The following LSAMP variants were observed in gnomAD, a reference collection of about 807,000 sequenced individuals.
LSAMP encodes the protein limbic system associated membrane protein.
Under a neutral mutation model 38.6 loss-of-function variants are expected in LSAMP, and 7 were observed. The ratio of observed to expected loss-of-function variants is 0.18; its 90% CI spans 0.10 to 0.34. The LOEUF is 0.34. LSAMP is among the 10% of genes least tolerant of loss of function. LSAMP has a pLI of 1.00. For synonymous variants in LSAMP, 154 were observed against 166.8 expected (o/e 0.92, Z 0.59); for missense variants, 313 against 420.0 (o/e 0.75, Z 2.23).
At chr3:116,134,901 T>C (rs1287540019) in intron 1 of LSAMP, among the ~76,000 whole-genome samples, 1 of 152,216 alleles carries the variant, frequency 6.6e-6, no homozygotes, top group Admixed American at 6.5e-5. Context: ...TTAGTACTTC[T>C]ATGGGAATCC....
At chr3:116,400,434 C>CCCTA (rs1559854901) in intron 1 of LSAMP, among the ~76,000 whole-genome samples, 1 of 142,518 alleles carries the variant, frequency 7.0e-6, no homozygotes, top group Non-Finnish European at 1.5e-5. Flanking sequence ...CTCCCTCCCT[C>CCCTA]CCTCCTTCCT....
intron 1 of LSAMP, among the ~76,000 whole-genome samples, chr3:116,376,132 G>A (rs1378332395): frequency 2.6e-5 from 4 of 152,018 alleles, no homozygotes; most frequent in African/African-American, 4.8e-5. Context: ...CAATCTGTAA[G>A]TTGGAGAGGT....
intron 1 of LSAMP, among the ~76,000 whole-genome samples, chr3:116,246,864 A>T (rs570400324): frequency 6.6e-6 from 1 of 152,242 alleles, no homozygotes; most frequent in Admixed American, 6.5e-5. Flanking sequence ...ATGTCCTGGT[A>T]GTGGTGAAGA....
At chr3:115,817,079 C>T (rs1934053745) in intron 6 of LSAMP, among the ~76,000 whole-genome samples, 1 of 152,176 alleles carries the variant, frequency 6.6e-6, no homozygotes, top group Non-Finnish European at 1.5e-5. Flanking sequence ...CAAGTCTATT[C>T]CAACTTAAAA....
intron 1 of LSAMP, among the ~76,000 whole-genome samples, chr3:116,317,436 A>G (rs1375752070): frequency 3.3e-5 from 5 of 151,760 alleles, no homozygotes; most frequent in Admixed American, 1.3e-4. Context: ...GCTCACTGCA[A>G]GCTCCACCTC....
At position 116,177,250 on chromosome 3, in the gene LSAMP, C is replaced by A. The variant is rs72961543; in HGVS notation, c.156-90694G>T. Among the ~76,000 whole-genome samples, 477 of 152,192 alleles carry A rather than the reference C, an allele frequency of 3.1e-3. 5 individuals carry two copies. The highest frequency in any genetic ancestry group is 0.01 in the African/African-American group (426 of 41,526). Reference sequence around the variant, plus strand: ...TAGGAAGGAACAATAATTTCCAAGGCTGACATCTCCGAATTGTAGTATGTC... The same window carrying A: ...TAGGAAGGAACAATAATTTCCAAGGATGACATCTCCGAATTGTAGTATGTC... On this transcript the variant is annotated intron_variant, in intron 1 of 6. Transcript: ENST00000490035.
intron 3 of LSAMP, among the ~76,000 whole-genome samples, chr3:115,963,964 G>A (rs1464199617): frequency 6.6e-6 from 1 of 152,062 alleles, no homozygotes; most frequent in Non-Finnish European, 1.5e-5. Flanking sequence ...TGTTGCCCAG[G>A]CTGTTCTTGA....
intron 3 of LSAMP, among the ~76,000 whole-genome samples, chr3:115,879,425 CA>C (rs1206603013): frequency 2.0e-5 from 3 of 152,038 alleles, no homozygotes; most frequent in Non-Finnish European, 1.5e-5. Flanking sequence ...TTAGTTATAT[CA>C]GGTGGAAATA....
chr3:116,298,136 A>T (rs1431479118), intron 1 of LSAMP, among the ~76,000 whole-genome samples: 3 of 152,114 alleles, frequency 2.0e-5, no homozygotes, highest in Admixed American at 6.5e-5. Context: ...CTAGCTATCC[A>T]TTGTGCTTTT....
intron 3 of LSAMP, among the ~76,000 whole-genome samples, chr3:116,000,403 A>G (rs1484256489): frequency 6.6e-6 from 1 of 152,170 alleles, no homozygotes; most frequent in East Asian, 1.9e-4. Flanking sequence ...TGGAACCAGA[A>G]TTCCATGGCA....
intron 1 of LSAMP, among the ~76,000 whole-genome samples, chr3:116,221,141 ACT>A (rs1215177360): frequency 4.5e-5 from 4 of 89,036 alleles, no homozygotes; most frequent in African/African-American, 1.1e-4. Context: ...ACAGAGCGAG[ACT>A]CTGTCTCAAA....
intron 6 of LSAMP, among the ~76,000 whole-genome samples, chr3:115,818,806 ATATATAT>A (rs1934125753): frequency 8.6e-6 from 1 of 116,636 alleles, no homozygotes; most frequent in Non-Finnish European, 1.9e-5. Context: ...ATATATATAT[ATATATAT>A]ATATATATAA....
chr3:116,091,486 T>G (rs759508162), intron 1 of LSAMP, among the ~76,000 whole-genome samples: 1 of 152,246 alleles, frequency 6.6e-6, no homozygotes, highest in Non-Finnish European at 1.5e-5. Flanking sequence ...GTCCATGAAC[T>G]CTTCGCAATT....
chr3:116,335,965 T>C (rs138690947), intron 1 of LSAMP, among the ~76,000 whole-genome samples: 2 of 152,152 alleles, frequency 1.3e-5, no homozygotes, highest in East Asian at 1.9e-4. Context: ...AAACAGTGTA[T>C]ATGGTCAAAT....
At chr3:115,928,200 A>G (rs1244626167) in intron 3 of LSAMP, among the ~76,000 whole-genome samples, 1 of 152,190 alleles carries the variant, frequency 6.6e-6, no homozygotes, top group Non-Finnish European at 1.5e-5. Flanking sequence ...AAAACCTGGG[A>G]ATCTCTGGTC....
chr3:116,176,109 A>G (rs1710331959), intron 1 of LSAMP, among the ~76,000 whole-genome samples: 1 of 152,128 alleles, frequency 6.6e-6, no homozygotes, highest in Non-Finnish European at 1.5e-5. Flanking sequence ...GCTCAAAAAT[A>G]CCTGCAATAG....
chr3:115,993,940 T>C (rs1356052219), intron 3 of LSAMP, among the ~76,000 whole-genome samples: 1 of 152,130 alleles, frequency 6.6e-6, no homozygotes, highest in Non-Finnish European at 1.5e-5. Context: ...TGCAGAGATG[T>C]CTTCTAGGTT....
At chr3:116,013,770 G>A (rs28410403) in intron 3 of LSAMP, among the ~76,000 whole-genome samples, 7,976 of 152,052 alleles carry the variant, frequency 0.052, 682 homozygotes, top group African/African-American at 0.18. Flanking sequence ...AGATTTAAAC[G>A]TTCAAAGAAA....
At chr3:115,987,284 T>C (rs926967657) in intron 3 of LSAMP, among the ~76,000 whole-genome samples, 19 of 152,156 alleles carry the variant, frequency 1.2e-4, no homozygotes, top group Admixed American at 1.1e-3. Flanking sequence ...GTGAAACATG[T>C]TTCTTCTGGT....
Sources: gnomAD v4.1 joint callset for allele counts (sites outside exome capture counted in the v4.1 genomes callset) on GRCh38, gnomAD v4.1.1 for gene constraint, MANE v1.5 for transcripts, NCBI Gene and HGNC (gene_info 2026-07-23, HGNC 2026-07-21) for gene names.